DNAAF5: variants seen among roughly 807,000 people sequenced by gnomAD.
The protein encoded by DNAAF5 is HEAT repeat containing 2.
DNAAF5 carries 64 observed loss-of-function variants against 75.8 expected under a neutral mutation model. That is an observed-to-expected ratio of 0.84 (90% CI 0.69 to 1.04). The LOEUF (loss-of-function observed/expected upper bound fraction) is 1.04, where lower values mean the gene tolerates loss of function less well. Among genes scored for constraint, DNAAF5 ranks in the 50% least tolerant of loss-of-function variants. DNAAF5 has a pLI of 0.00. For missense variants in DNAAF5, 1,269 were observed against 1,178.5 expected (o/e 1.08, Z -1.12); for synonymous variants, 657 against 557.2 (o/e 1.18, Z -2.52).
At chr7:728,061 ACCACTGTCCT>A (rs989413566) in intron 1 of DNAAF5, among the ~76,000 whole-genome samples, 1 of 151,740 alleles carries the variant, frequency 6.6e-6, no homozygotes, top group African/African-American at 2.4e-5. Context: ...TCTGGCTTGG[ACCACTGTCCT>A]AAGTGGAAGG....
chr7:777,557 G>A (rs529684062), intron 11 of DNAAF5, among the ~76,000 whole-genome samples: 5 of 151,744 alleles, frequency 3.3e-5, no homozygotes, highest in East Asian at 3.9e-4. Flanking sequence ...GTTACCCAGC[G>A]AGGGAGAAAG....
chr7:777,059 C>G (rs2128085706), intron 11 of DNAAF5, among the ~76,000 whole-genome samples: 1 of 152,336 alleles, frequency 6.6e-6, no homozygotes, highest in East Asian at 1.9e-4. Flanking sequence ...CCATCGTCCC[C>G]ACATGGGACC....
Position 770,458 on chromosome 7 carries a change from TTG to T in DNAAF5, c.1784-9_1784-8del. 1 of 1,611,436 alleles carries T rather than the reference TTG, an allele frequency of 6.2e-7. No homozygotes were observed. Among genetic ancestry groups the T allele is most frequent in the Non-Finnish European group, 8.5e-7 (1 of 1,179,002 alleles). ...TGAGGGCCGTGCACAGGAGCCTCTG[TTG>T]TGTCTTACAGGCCCTGCCCTGGGAG... On this transcript the variant is annotated splice_polypyrimidine_tract_variant and intron_variant, in intron 8 of 12. Transcript: ENST00000297440.
chr7:760,555 C>CAGG (rs1196216352), intron 6 of DNAAF5, among the ~76,000 whole-genome samples: 1 of 152,190 alleles, frequency 6.6e-6, no homozygotes, highest in Non-Finnish European at 1.5e-5. Context: ...GAGGCCACGG[C>CAGG]AGGAGGATCA....
chr7:729,250 G>A (rs979490792), intron 1 of DNAAF5, among the ~76,000 whole-genome samples: 2 of 152,176 alleles, frequency 1.3e-5, no homozygotes, highest in African/African-American at 4.8e-5. Context: ...CTGGGGTCTC[G>A]TCTCAGGTGG....
intron 8 of DNAAF5, among the ~76,000 whole-genome samples, chr7:765,707 G>T (rs1319582887): frequency 6.6e-6 from 1 of 152,036 alleles, no homozygotes; most frequent in African/African-American, 2.4e-5. Flanking sequence ...GGGTTTTTTT[G>T]TTTTTTGTTT....
chr7:736,558 T>G (rs1781745387), intron 2 of DNAAF5, among the ~76,000 whole-genome samples: 1 of 152,248 alleles, frequency 6.6e-6, no homozygotes, highest in African/African-American at 2.4e-5. Flanking sequence ...TGGAATATCT[T>G]TTTTCGCATC....
chr7:770,339 A>C, intron 8 of DNAAF5, 132 bp from the exon 9 acceptor site: 1 of 714,310 alleles, frequency 1.4e-6, no homozygotes, highest in Non-Finnish European at 2.3e-6. Flanking sequence ...TGATTGAGAA[A>C]GAGGAAGCGG....
rs149980915 is a variant in DNAAF5 at position 729,707 on chromosome 7, C to T, written c.640C>T (p.Gln214Ter). 1 of 1,614,104 alleles carries T rather than the reference C, an allele frequency of 6.2e-7. No individual in the cohort carries two copies. The highest frequency in any genetic ancestry group is 1.7e-5 in the Admixed American group (1 of 60,018). The change falls in exon 2 of 13, where the codon CAG becomes TAG. Residue 214 changes from glutamine to a stop codon, truncating the protein, a stop_gained. Transcript: ENST00000297440. LOFTEE classifies it high-confidence loss of function. ...GGAGTCTCTGATCGGGCCCCTGATG[C>T]AGACCATCTCCCACCAGCACTGGAA... Reference protein sequence around the residue: ...QSESLIGPLMQTISHQHWKVR... With the variant: ...QSESLIGPLM
chr7:736,401 A>G (rs1045958357), intron 2 of DNAAF5, among the ~76,000 whole-genome samples: 2 of 152,226 alleles, frequency 1.3e-5, no homozygotes, highest in Non-Finnish European at 2.9e-5. Flanking sequence ...TGTTGGGTGC[A>G]TATATATTTA....
chr7:748,914 C>T (rs1395603739), intron 4 of DNAAF5, among the ~76,000 whole-genome samples: 1 of 152,234 alleles, frequency 6.6e-6, no homozygotes, highest in Non-Finnish European at 1.5e-5. Flanking sequence ...AGACGGTGCT[C>T]AGAGGTAATG....
chr7:767,150 A>G (rs1207199663), intron 8 of DNAAF5, among the ~76,000 whole-genome samples: 1 of 151,554 alleles, frequency 6.6e-6, no homozygotes, highest in Non-Finnish European at 1.5e-5. Flanking sequence ...GAGGCAGGAC[A>G]ATGGCGTGAA....
Position 738,329 on chromosome 7 carries a change from C to T in DNAAF5, c.781-2490C>T, listed in dbSNP as rs1781797955. 1.3e-5 allele frequency among the ~76,000 whole-genome samples: 2 copies of T among 152,028 alleles called. 1 individual carries two copies. Among genetic ancestry groups the T allele is most frequent in the South Asian group, 4.2e-4 (2 of 4,812 alleles). ...ATTCTGAATTCTTTCTCCATGTTAT[C>T]TTGGATTTTGCTGGGCTTCCTCAAA... On this transcript the variant is annotated intron_variant, in intron 2 of 12. Coordinates refer to ENST00000297440, the MANE Select transcript of DNAAF5 (RefSeq NM_017802.4).
At chr7:742,026 G>T (rs1036192669) in intron 4 of DNAAF5, among the ~76,000 whole-genome samples, 1 of 152,224 alleles carries the variant, frequency 6.6e-6, no homozygotes, top group Non-Finnish European at 1.5e-5. Context: ...GGGCACCCAT[G>T]TGCATCTCTC....
intron 8 of DNAAF5, among the ~76,000 whole-genome samples, chr7:766,876 A>G (rs1384644297): frequency 6.6e-6 from 1 of 152,200 alleles, no homozygotes; most frequent in Non-Finnish European, 1.5e-5. Flanking sequence ...AAAAAGAATT[A>G]ATACAACTAA....
chr7:726,818 G>A lies in DNAAF5; in HGVS notation c.98G>A (p.Arg33His). 5.3e-6 allele frequency: 7 copies of A among 1,323,570 alleles called. No homozygotes were observed. Among genetic ancestry groups the A allele is most frequent in the Admixed American group, 3.7e-5 (1 of 26,848 alleles). The allele number at this position is 1,323,570 out of a possible 1,614,324, so 82.0% of individuals were successfully genotyped here. The change falls in exon 1 of 13, where the codon CGC (arginine) becomes CAC (histidine). Residue 33 changes from arginine (R) to histidine (H), a missense_variant. Physicochemically the swap from Arg to His is conservative, Grantham distance 29. Coordinates refer to ENST00000297440, the MANE Select transcript of DNAAF5 (RefSeq NM_017802.4). The stretch of plus-strand genomic sequence containing the variant: ...GTGGAGCTGAGCCGCGCCCTGAGCC[G>A]CCTGCTGCCGGGGCTGGAGGCCGAC... ...EAVELSRALS[R>H]LLPGLEADSK...
chr7:750,017 A>T (rs1782240737), intron 4 of DNAAF5, among the ~76,000 whole-genome samples: 1 of 152,170 alleles, frequency 6.6e-6, no homozygotes, highest in African/African-American at 2.4e-5. Context: ...CTATAATATT[A>T]AGTATAGAAA....
chr7:763,303 G>T (rs955069465), intron 7 of DNAAF5, among the ~76,000 whole-genome samples: 1 of 152,206 alleles, frequency 6.6e-6, no homozygotes, highest in Non-Finnish European at 1.5e-5. Context: ...GGCCACCGGG[G>T]AGCCTCAGCC....
chr7:774,580 C>T (rs927046104), intron 10 of DNAAF5, among the ~76,000 whole-genome samples: 2 of 150,458 alleles, frequency 1.3e-5, no homozygotes, highest in Non-Finnish European at 3.0e-5. Context: ...ATGAACACCT[C>T]CGGCTGGTAC....
Sources: gnomAD v4.1 joint callset for allele counts (sites outside exome capture counted in the v4.1 genomes callset) on GRCh38, gnomAD v4.1.1 for gene constraint, MANE v1.5 for transcripts, NCBI Gene and HGNC (gene_info 2026-07-23, HGNC 2026-07-21) for gene names.